Variants in MED13 observed in about 807,000 individuals in gnomAD.
MED13 encodes mediator of RNA polymerase II transcription subunit 13.
A neutral mutation model predicts 225.2 loss-of-function variants in MED13; 23 were observed. That is an observed-to-expected ratio of 0.10 (90% CI 0.07 to 0.14). MED13 has a LOEUF of 0.14. Ranked by LOEUF, MED13 falls within the 10% of genes least tolerant of loss-of-function variation. The pLI, the probability that MED13 is intolerant of heterozygous loss-of-function variation, is 1.00. For missense variants in MED13, 2,197 were observed against 2,594.5 expected (o/e 0.85, Z 3.33); for synonymous variants, 942 against 889.2 (o/e 1.06, Z -1.06).
chr17:61,956,200 C>A, intron 24 of MED13, 139 bp downstream of exon 24: 2 of 794,822 alleles, frequency 2.5e-6, no homozygotes, highest in East Asian at 2.9e-5. Flanking sequence ...TGAATTAAGC[C>A]ATTTGTGGCC....
chr17:62,062,600 C>CACA (rs914034052), intron 2 of MED13, among the ~76,000 whole-genome samples: 27 of 136,298 alleles, frequency 2.0e-4, no homozygotes, highest in South Asian at 1.1e-3. Flanking sequence ...CACACACACA[C>CACA]CACACACACA....
chr17:61,953,522 T>C (rs1287984462), intron 26 of MED13, among the ~76,000 whole-genome samples: 1 of 152,190 alleles, frequency 6.6e-6, no homozygotes. Context: ...GACACTATAC[T>C]GCTGGCATCC....
chr17:62,004,563 G>A (rs1567971482), intron 9 of MED13: 1 of 152,164 alleles, frequency 6.6e-6, no homozygotes, highest in Non-Finnish European at 1.5e-5. Context: ...AAGGATGCTG[G>A]TGTAGCTAAA....
rs1567957505 is a variant in MED13, at chr17:61,982,219, G to A, written c.3784C>T (p.His1262Tyr). ...DEALVKSSCL[H>Y]PWSKRNDVSM... Reference sequence around the variant, plus strand: ...TTACCGTTTCTTTTGGACCAGGGGTGTAAGCATGAACTTTTCACAAGTGCT... The same window carrying A: ...TTACCGTTTCTTTTGGACCAGGGGTATAAGCATGAACTTTTCACAAGTGCT... The change falls in exon 16 of 30, where the codon CAC (histidine) becomes TAC (tyrosine). Residue 1262 changes from histidine (H) to tyrosine (Y), a missense_variant. This residue lies in a region of MED13 where 203 missense variants were observed against 209.7 expected (regional missense o/e 0.97). Transcript: ENST00000397786. 1 of 1,613,238 alleles carries A rather than the reference G, an allele frequency of 6.2e-7. No individual in the cohort carries two copies. The highest frequency in any genetic ancestry group is 8.5e-7 in the Non-Finnish European group (1 of 1,179,516).
Position 62,052,599 on chromosome 17 carries a change from A to G in MED13, c.408T>C (p.Phe136=). Residue 136 remains phenylalanine (F), a synonymous_variant, in exon 3 of 30, where the codon TTT becomes TTC. Transcript: ENST00000397786. ...TTACAAACCACTTGCCAATACGTAC[A>G]AAATTCCTGTTCATTAAACACCGTT... ...LLERCLMNRN[F]VRIGKWFVKP... is the part of the protein sequence containing the mutation. 2 of 1,599,472 alleles carry G rather than the reference A, an allele frequency of 1.3e-6. No homozygotes were observed. Among genetic ancestry groups the G allele is most frequent in the Non-Finnish European group, 1.7e-6 (2 of 1,171,896 alleles).
chr17:62,006,612 A>G (rs2080451269), intron 9 of MED13: 1 of 148,456 alleles, frequency 6.7e-6, no homozygotes. Context: ...CAGTCTATCT[A>G]TTCTCTCACA....
intron 2 of MED13, among the ~76,000 whole-genome samples, chr17:62,055,731 G>A (rs1055826747): frequency 2.0e-5 from 3 of 151,872 alleles, no homozygotes; most frequent in Non-Finnish European, 4.4e-5. Flanking sequence ...GCTGAGGCAG[G>A]AGAATCACTT....
At position 61,992,586 on chromosome 17, in the gene MED13, T is replaced by C. The variant is rs1223084364; in HGVS notation, c.2217A>G (p.Ser739=). The C allele has an allele frequency of 5.6e-6, 9 of 1,612,038 alleles. No homozygotes were observed. The highest frequency in any genetic ancestry group is 7.6e-6 in the Non-Finnish European group (9 of 1,178,428). ...ATAATGACATAGCATCTTCTTCATG[T>C]GATAACACTGTTACACTAGATGTCC... The part of the protein sequence containing the change: ...EDGTSSVTVL[S]HEEDAMSLFS... The change falls in exon 11 of 30, where the codon TCA becomes TCG. Residue 739 remains serine (S), a synonymous_variant. Transcript: ENST00000397786.
chr17:62,056,222 T>C (rs867336291), intron 2 of MED13, among the ~76,000 whole-genome samples: 3 of 152,154 alleles, frequency 2.0e-5, no homozygotes, highest in Non-Finnish European at 4.4e-5. Flanking sequence ...ATCCTGACAA[T>C]CTAATAACTG....
intron 10 of MED13, 101 bp downstream of exon 10, chr17:61,995,051 C>T: frequency 2.2e-6 from 2 of 895,096 alleles, no homozygotes; most frequent in Non-Finnish European, 3.4e-6. Context: ...TCTTTCTATT[C>T]TAAGACAAAA....
At chr17:61,955,272 C>T in intron 26 of MED13, 110 bp downstream of exon 26, 1 of 945,104 alleles carries the variant, frequency 1.1e-6, no homozygotes, top group Non-Finnish European at 1.5e-6. Flanking sequence ...ATCACATCTG[C>T]AAAATCATTT....
intron 3 of MED13, among the ~76,000 whole-genome samples, chr17:62,049,097 G>GAAA (rs2080930239): frequency 1.1e-5 from 1 of 87,506 alleles, no homozygotes; most frequent in African/African-American, 6.1e-5. Flanking sequence ...AAAAAAAAAG[G>GAAA]AGAAATGAGA....
rs73336432 is a variant in MED13 at position 62,036,460 on chromosome 17, G to A, written c.471-852C>T. Among the ~76,000 whole-genome samples, 967 of 152,224 alleles carry A rather than the reference G, an allele frequency of 6.4e-3. 9 individuals carry two copies. Among genetic ancestry groups the A allele is most frequent in the African/African-American group, 0.022 (913 of 41,550 alleles). Reference sequence around the variant, plus strand: ...ATTTAGAAGGGTCAAGTTGCGCAGAGGAGGATAAGAGTGTACACTAAGAAA... The same window carrying A: ...ATTTAGAAGGGTCAAGTTGCGCAGAAGAGGATAAGAGTGTACACTAAGAAA... On this transcript the variant is annotated intron_variant, in intron 3 of 29. Transcript: ENST00000397786.
chr17:62,015,836 C>T (rs576706735), intron 8 of MED13, among the ~76,000 whole-genome samples: 147 of 118,658 alleles, frequency 1.2e-3, no homozygotes, highest in African/African-American at 4.5e-3. Context: ...TATATATATA[C>T]ACACACACTA....
At chr17:61,997,549 CTTATT>C (rs2080356880) in intron 9 of MED13, among the ~76,000 whole-genome samples, 1 of 151,986 alleles carries the variant, frequency 6.6e-6, no homozygotes, top group Non-Finnish European at 1.5e-5. Flanking sequence ...ATGTACTTTT[CTTATT>C]TAATACTTAA....
At chr17:62,005,589 C>T (rs1264873706) in intron 9 of MED13, 1 of 152,140 alleles carries the variant, frequency 6.6e-6, no homozygotes, top group African/African-American at 2.4e-5. Flanking sequence ...CTGAATGACA[C>T]AGTAAGACTC....
At chr17:62,053,103 T>C (rs1258597394) in intron 2 of MED13, among the ~76,000 whole-genome samples, 2 of 152,154 alleles carry the variant, frequency 1.3e-5, no homozygotes, top group Non-Finnish European at 2.9e-5. Flanking sequence ...CCCTAGTCAT[T>C]CAACCTGCCA....
At chr17:62,025,321 T>TCACATA (rs1163952665) in intron 8 of MED13, among the ~76,000 whole-genome samples, 1 of 152,196 alleles carries the variant, frequency 6.6e-6, no homozygotes, top group Admixed American at 6.6e-5. Flanking sequence ...CACACAACTT[T>TCACATA]CACATACCAT....
At chr17:61,969,846 C>T (rs139123480) in intron 17 of MED13, among the ~76,000 whole-genome samples, 25 of 152,216 alleles carry the variant, frequency 1.6e-4, no homozygotes, top group African/African-American at 6.0e-4. Flanking sequence ...AAGTGATCTG[C>T]CCACCTCGGC....
Sources: gnomAD v4.1 joint callset for allele counts (sites outside exome capture counted in the v4.1 genomes callset) on GRCh38, gnomAD v4.1.1 for gene constraint, gnomAD v4.1.1 regional missense constraint, MANE v1.5 for transcripts, NCBI Gene and HGNC (gene_info 2026-07-23, HGNC 2026-07-21) for gene names.